The following ZCCHC2 variants were observed in gnomAD, a reference collection of about 807,000 sequenced individuals.
The protein encoded by ZCCHC2 is zinc finger CCHC-type containing 2, also known as zinc finger CCHC domain-containing protein 2.
ZCCHC2 carries 39 observed loss-of-function variants against 103.6 expected under a neutral mutation model. That is an observed-to-expected ratio of 0.38 (90% CI 0.29 to 0.49). The LOEUF (loss-of-function observed/expected upper bound fraction) is 0.49. Among genes scored for constraint, ZCCHC2 ranks in the 20% least tolerant of loss-of-function variants. The probability of loss-of-function intolerance (pLI) is 0.96; values close to 1 mark genes in which losing one functional copy is unlikely to be tolerated. For missense variants in ZCCHC2, 1,483 were observed against 1,491.0 expected, an observed-to-expected ratio of 0.99 and a Z score of 0.09; for synonymous variants, 687 against 608.9, an observed-to-expected ratio of 1.13 and a Z score of -1.89.
chr18:62,583,663 A>G (rs1165184760), intron 14 of ZCCHC2, among the ~76,000 whole-genome samples: 1 of 140,330 alleles, frequency 7.1e-6, no homozygotes, highest in African/African-American at 2.6e-5. Flanking sequence ...ATAAAAAAAT[A>G]CTGACCCCCC....
chr18:62,532,180 T>A (rs1230087524), intron 1 of ZCCHC2, among the ~76,000 whole-genome samples: 1 of 152,210 alleles, frequency 6.6e-6, no homozygotes, highest in Non-Finnish European at 1.5e-5. Flanking sequence ...CAACTGTCAC[T>A]CTAATGTGAA....
intron 4 of ZCCHC2, among the ~76,000 whole-genome samples, chr18:62,547,490 A>G (rs1915468670): frequency 6.6e-6 from 1 of 151,952 alleles, no homozygotes; most frequent in African/African-American, 2.4e-5. Flanking sequence ...TTCCCATACA[A>G]ATAGCAGCCT....
intron 2 of ZCCHC2, among the ~76,000 whole-genome samples, chr18:62,542,280 GTA>G (rs1915225807): frequency 6.6e-6 from 1 of 152,022 alleles, no homozygotes; most frequent in Admixed American, 6.6e-5. Flanking sequence ...TGTCGTATGG[GTA>G]TAGAAAAAAA....
At chr18:62,552,744 G>A (rs1915719233) in intron 5 of ZCCHC2, among the ~76,000 whole-genome samples, 2 of 151,972 alleles carry the variant, frequency 1.3e-5, no homozygotes, top group South Asian at 4.1e-4. Context: ...TTTTTAATTA[G>A]CTGGGTGTGG....
In ZCCHC2 at chr18:62,576,519, C is replaced by A. The variant is rs761712464; in HGVS notation, c.3477C>A (p.Tyr1159Ter). ...SSMEANQQGTYRLRYAPPLPP... is the reference protein window; with the variant it reads ...SSMEANQQGT Reference sequence around the variant, plus strand: ...CTGTCTTTCCCATTTTAGGCACTTACAGACTGAGATACGCACCTCCCCTCC... The same window carrying A: ...CTGTCTTTCCCATTTTAGGCACTTAAAGACTGAGATACGCACCTCCCCTCC... The change falls in exon 14 of 14, where the codon TAC becomes TAA. Residue 1159 changes from tyrosine to a stop codon, truncating the protein, a stop_gained. Transcript: ENST00000269499. LOFTEE classifies it high-confidence loss of function. The A allele has an allele frequency of 1.9e-6, 3 of 1,613,598 alleles. No individual in the cohort carries two copies. Among genetic ancestry groups the A allele is most frequent in the Non-Finnish European group, 2.5e-6 (3 of 1,179,636 alleles).
In ZCCHC2 at chr18:62,523,375, G is replaced by GGGGGGGGCC; in HGVS notation, c.-49_-48insGGGGGGCCG. 4 of 1,009,536 alleles carry GGGGGGGGCC rather than the reference G, an allele frequency of 4.0e-6. No individual in the cohort carries two copies. Among genetic ancestry groups the GGGGGGGGCC allele is most frequent in the Non-Finnish European group, 4.7e-6 (4 of 847,968 alleles). The allele number at this position is 1,009,536 out of a possible 1,614,324, so 62.5% of individuals were successfully genotyped here. On this transcript the variant is annotated 5_prime_UTR_variant, in exon 1 of 14. Transcript: ENST00000269499. ...CGCCTCGGCCCGTGCTCCACCTCGC[G>GGGGGGGGCC]GCCCCTCCCGCCCGCCCCCGCTCGC...
At chr18:62,564,848 G>A (rs1048010727) in intron 10 of ZCCHC2, among the ~76,000 whole-genome samples, 154 bp from the exon 11 acceptor site, 7 of 152,114 alleles carry the variant, frequency 4.6e-5, no homozygotes, top group Non-Finnish European at 1.0e-4. Flanking sequence ...AAAACTCTCA[G>A]AACTTTCCAC....
chr18:62,558,368 A>G (rs1197276170), intron 6 of ZCCHC2, among the ~76,000 whole-genome samples: 1 of 152,172 alleles, frequency 6.6e-6, no homozygotes, highest in Non-Finnish European at 1.5e-5. Flanking sequence ...TGAAAACTGA[A>G]TCTTTACCAC....
chr18:62,555,621 C>T (rs1356809476), intron 5 of ZCCHC2, among the ~76,000 whole-genome samples: 2 of 152,004 alleles, frequency 1.3e-5, no homozygotes, highest in Non-Finnish European at 2.9e-5. Flanking sequence ...CTAGCCTGAC[C>T]GACATGGTGA....
At chr18:62,528,789 G>C (rs1458486642) in intron 1 of ZCCHC2, among the ~76,000 whole-genome samples, 1 of 152,150 alleles carries the variant, frequency 6.6e-6, no homozygotes, top group Non-Finnish European at 1.5e-5. Flanking sequence ...CAGAATCCTA[G>C]TGAGAGAGTA....
intron 9 of ZCCHC2, among the ~76,000 whole-genome samples, chr18:62,563,351 G>T (rs1916208219): frequency 6.6e-6 from 1 of 152,170 alleles, no homozygotes; most frequent in African/African-American, 2.4e-5. Flanking sequence ...GCTTGTGTAA[G>T]ATTAGTACAC....
At chr18:62,542,654 T>A in intron 3 of ZCCHC2, 80 bp downstream of exon 3, 1 of 1,214,942 alleles carries the variant, frequency 8.2e-7, no homozygotes, top group East Asian at 2.5e-5. Flanking sequence ...GGTTTGCTAA[T>A]TTAAGGGAAA....
intron 3 of ZCCHC2, among the ~76,000 whole-genome samples, chr18:62,543,536 A>G (rs376467828): frequency 6.6e-6 from 1 of 152,152 alleles, no homozygotes; most frequent in Non-Finnish European, 1.5e-5. Flanking sequence ...CTCCACGCTC[A>G]GTCAGGCTGG....
At chr18:62,535,398 C>A (rs1046481802) in intron 1 of ZCCHC2, among the ~76,000 whole-genome samples, 21 of 152,132 alleles carry the variant, frequency 1.4e-4, no homozygotes, top group African/African-American at 4.3e-4. Context: ...TATGAATCTG[C>A]CTATTTAAAG....
At chr18:62,534,020 A>G (rs1003582573) in intron 1 of ZCCHC2, among the ~76,000 whole-genome samples, 1 of 152,176 alleles carries the variant, frequency 6.6e-6, no homozygotes, top group African/African-American at 2.4e-5. Context: ...TTGTTTCTTT[A>G]TATAAAAAGC....
intron 6 of ZCCHC2, 69 bp from the exon 7 acceptor site, chr18:62,558,618 C>T: frequency 2.1e-6 from 2 of 969,088 alleles, no homozygotes; most frequent in Non-Finnish European, 2.9e-6. Flanking sequence ...GGTAAAAAAA[C>T]AATTATTATA....
chr18:62,560,150 C>T (rs1004593369), intron 7 of ZCCHC2, among the ~76,000 whole-genome samples: 1 of 152,122 alleles, frequency 6.6e-6, no homozygotes. Context: ...GGAGGGAAGA[C>T]CTTCAGTCAT....
Position 62,574,988 on chromosome 18 carries a change from C to A in ZCCHC2, c.2907C>A (p.Ala969=), listed in dbSNP as rs770058263. Residue 969 remains alanine (A), a synonymous_variant, in exon 13 of 14, where the codon GCC becomes GCA. Transcript: ENST00000269499. ...TTCCTACCCACACCCCAGGCCCTGC[C>A]CCGAGCCCAAGCCCTGCCTTGACAC... is the stretch of plus-strand genomic sequence containing the variant. The part of the protein sequence containing the change: ...PAVPTHTPGP[A]PSPSPALTHS... The A allele has an allele frequency of 6.2e-7, 1 of 1,613,946 alleles. No individual in the cohort carries two copies. Among genetic ancestry groups the A allele is most frequent in the Admixed American group, 1.7e-5 (1 of 60,020 alleles).
chr18:62,574,031 T>A, intron 12 of ZCCHC2, 26 bp from the exon 13 acceptor site: 1 of 1,592,252 alleles, frequency 6.3e-7, no homozygotes, highest in Non-Finnish European at 8.6e-7. Flanking sequence ...CCCGTGTTAA[T>A]ATCTCTTTAT....
Sources: allele counts gnomAD v4.1 joint callset (sites outside exome capture counted in the v4.1 genomes callset), GRCh38; gene constraint gnomAD v4.1.1; transcripts MANE v1.5; gene names NCBI Gene and HGNC (gene_info 2026-07-23, HGNC 2026-07-21).